Variants in SEC24D observed in about 807,000 individuals in gnomAD.
SEC24D encodes SEC24 homolog D, COPII component.
SEC24D carries 69 observed loss-of-function variants against 116.9 expected under a neutral mutation model. That is an observed-to-expected ratio of 0.59 (90% CI 0.49 to 0.72). SEC24D has a LOEUF of 0.72. Among genes scored for constraint, SEC24D ranks in the 30% least tolerant of loss-of-function variants. The pLI, the probability that SEC24D is intolerant of heterozygous loss-of-function variation, is 0.00. For synonymous variants in SEC24D, 405 were observed against 442.8 expected (o/e 0.91, Z 1.07); for missense variants, 1,131 against 1,264.1 (o/e 0.89, Z 1.60).
Position 118,739,230 on chromosome 4 carries a change from C to A in SEC24D, c.2296G>T (p.Gly766Cys). ...GQRRLRIHNLGLNCSSQLADL... is the reference protein window; with the variant it reads ...GQRRLRIHNLCLNCSSQLADL... ...GCTAGCTGAGAGCTGCAGTTTAAGCCAAGATTGTGAATCCGAAGTCTTCTT... is the reference window on the plus strand; with the variant it reads ...GCTAGCTGAGAGCTGCAGTTTAAGCAAAGATTGTGAATCCGAAGTCTTCTT... Residue 766 changes from glycine to cysteine, a missense_variant, in exon 18 of 23, where the codon GGC becomes TGC. By Grantham distance (159) the Gly-to-Cys change is radical (BLOSUM62 -3). Transcript: ENST00000280551. The A allele has an allele frequency of 6.2e-7, 1 of 1,613,604 alleles. No individual in the cohort carries two copies. Among genetic ancestry groups the A allele is most frequent in the Non-Finnish European group, 8.5e-7 (1 of 1,179,642 alleles).
Position 118,824,623 on chromosome 4 carries a change from TG to T in SEC24D, c.244del (p.Gln82LysfsTer189). 1 of 1,600,142 alleles carries T rather than the reference TG, an allele frequency of 6.2e-7. No individual in the cohort carries two copies. The highest frequency in any genetic ancestry group is 2.3e-5 in the East Asian group (1 of 44,410). ...GGTTGGAATCTACCTAGCTCACCTTTGGGGAGGGTGACCAGTGGCATGAGCT... is the reference window on the plus strand; with the variant it reads ...GGTTGGAATCTACCTAGCTCACCTTTGGGAGGGTGACCAGTGGCATGAGCT... ...NGAHATGHPP[Q>X]RFPGPPPVNN... On this transcript the variant is annotated frameshift_variant, in exon 3 of 23. Transcript: ENST00000280551. LOFTEE classifies it high-confidence loss of function.
intron 10 of SEC24D, chr4:118,758,662 T>C (rs1190696729): frequency 6.6e-6 from 1 of 152,162 alleles, no homozygotes; most frequent in African/African-American, 2.4e-5. Context: ...ACCAACTTAA[T>C]TTTTAACTTC....
At chr4:118,828,695 A>G (rs1730697028) in intron 2 of SEC24D, among the ~76,000 whole-genome samples, 1 of 152,164 alleles carries the variant, frequency 6.6e-6, no homozygotes, top group Admixed American at 6.5e-5. Context: ...AGAGAGCAGT[A>G]TGCCCAGCTG....
At position 118,770,748 on chromosome 4, in the gene SEC24D, C is replaced by A. The variant is rs191489531; in HGVS notation, c.1042-2437G>T. 1.3e-3 allele frequency among the ~76,000 whole-genome samples: 205 copies of A among 152,234 alleles called. 1 individual carries two copies. The highest frequency in any genetic ancestry group is 2.5e-3 in the Non-Finnish European group (167 of 68,006). ...CAGCCTAAAATTACTGTGAAATTGT[C>A]GGCAATGAACACCTATGCATTCCAG... On this transcript the variant is annotated intron_variant, in intron 8 of 22. Coordinates refer to ENST00000280551, the MANE Select transcript of SEC24D (RefSeq NM_014822.4).
At chr4:118,804,855 C>T (rs1729600485) in intron 7 of SEC24D, among the ~76,000 whole-genome samples, 1 of 148,452 alleles carries the variant, frequency 6.7e-6, no homozygotes, top group Non-Finnish European at 1.5e-5. Context: ...CCTCTATACA[C>T]ATATAAGCAT....
chr4:118,800,036 GT>G (rs1729361805), intron 7 of SEC24D, among the ~76,000 whole-genome samples: 2 of 152,244 alleles, frequency 1.3e-5, no homozygotes, highest in South Asian at 4.2e-4. Flanking sequence ...TACTTGAGTG[GT>G]GCACAGGGAG....
chr4:118,821,874 T>C (rs1730418736), intron 3 of SEC24D, among the ~76,000 whole-genome samples: 2 of 152,252 alleles, frequency 1.3e-5, no homozygotes, highest in South Asian at 2.1e-4. Context: ...TGAAATACTA[T>C]ACTTTTCCCT....
chr4:118,793,189 C>A (rs1201117389), intron 8 of SEC24D, among the ~76,000 whole-genome samples: 1 of 152,128 alleles, frequency 6.6e-6, no homozygotes. Context: ...AAGGCCCGGC[C>A]GGGCGCGGTG....
intron 8 of SEC24D, among the ~76,000 whole-genome samples, chr4:118,789,709 C>T (rs1435795483): frequency 4.6e-5 from 7 of 152,136 alleles, no homozygotes; most frequent in Admixed American, 1.3e-4. Flanking sequence ...CTCAGCCTCC[C>T]GAGTAGCTGG....
chr4:118,779,381 T>A (rs1159937776), intron 8 of SEC24D, among the ~76,000 whole-genome samples: 2 of 152,204 alleles, frequency 1.3e-5, no homozygotes, highest in African/African-American at 4.8e-5. Context: ...TTGTCATTGG[T>A]TCTGTTTATG....
chr4:118,805,373 C>T (rs112016126), intron 7 of SEC24D, among the ~76,000 whole-genome samples: 7,539 of 152,210 alleles, frequency 0.05, 224 homozygotes, highest in Non-Finnish European at 0.063. Context: ...TATGGAACAG[C>T]AGAGATGCAG....
intron 7 of SEC24D, among the ~76,000 whole-genome samples, chr4:118,800,846 A>G (rs1729401078): frequency 6.6e-6 from 1 of 152,206 alleles, no homozygotes; most frequent in Admixed American, 6.5e-5. Flanking sequence ...CATTAGAACC[A>G]ATTATAAATT....
chr4:118,768,173 C>G lies in SEC24D; in HGVS notation c.1180G>C (p.Val394Leu). ...QCGFCNCVND[V>L]PPFYFQHLDH... ...AAGAGCTTTTAATGGCACTGCTTAC[C>G]ATCATTCACACAGTTGCAAAATCCA... The change falls in exon 9 of 23, where the codon GTT (valine) becomes CTT (leucine). Residue 394 changes from valine (V) to leucine (L), a missense_variant and splice_region_variant. Physicochemically the swap from Val to Leu is conservative, Grantham distance 32. Coordinates refer to ENST00000280551, the MANE Select transcript of SEC24D (RefSeq NM_014822.4). 6.2e-7 allele frequency: 1 copy of G among 1,611,326 alleles called. No individual in the cohort carries two copies. The highest frequency in any genetic ancestry group is 8.5e-7 in the Non-Finnish European group (1 of 1,178,820).
intron 7 of SEC24D, among the ~76,000 whole-genome samples, chr4:118,805,494 A>G (rs1169890807): frequency 1.3e-5 from 2 of 152,212 alleles, no homozygotes; most frequent in Non-Finnish European, 2.9e-5. Context: ...TAACATCTCA[A>G]ACAGTCTAAT....
chr4:118,812,346 T>C (rs1350540303), intron 6 of SEC24D, among the ~76,000 whole-genome samples: 2 of 152,072 alleles, frequency 1.3e-5, no homozygotes, highest in Non-Finnish European at 2.9e-5. Flanking sequence ...TCTACCCCCA[T>C]GGACCTAGGT....
Position 118,750,489 on chromosome 4 carries a change from G to A in SEC24D, c.1707+1507C>T, listed in dbSNP as rs191481714. Among the ~76,000 whole-genome samples the A allele has an allele frequency of 5.3e-5, 8 of 152,216 alleles. No individual in the cohort carries two copies. The East Asian group carries it at 7.7e-4, about 15-fold the overall frequency. On this transcript the variant is annotated intron_variant, in intron 13 of 22. Coordinates refer to ENST00000280551, the MANE Select transcript of SEC24D (RefSeq NM_014822.4). ...CAACTCTACTATGCTCTCTTAATTG[G>A]TGAAATATTAGCTAATGAATATCTA...
chr4:118,771,208 CTAAGT>C (rs1044622882), intron 8 of SEC24D, among the ~76,000 whole-genome samples: 1 of 152,084 alleles, frequency 6.6e-6, no homozygotes, highest in African/African-American at 2.4e-5. Context: ...AAAAAATTGC[CTAAGT>C]TATCTTTTTT....
At position 118,833,571 on chromosome 4, in the gene SEC24D, C is replaced by T. The variant is rs1724046359; in HGVS notation, c.118+8G>A. 6.3e-7 allele frequency: 1 copy of T among 1,576,362 alleles called. No individual in the cohort carries two copies. On this transcript the variant is annotated splice_region_variant and intron_variant, in intron 2 of 22. Coordinates refer to ENST00000280551, the MANE Select transcript of SEC24D (RefSeq NM_014822.4). ...TAATCACATACAAGTCAAAATAACA[C>T]ACTGTACCTGTTGGAGATGCTGTGT...
chr4:118,814,727 C>T (rs570362048), intron 6 of SEC24D, among the ~76,000 whole-genome samples: 4 of 151,772 alleles, frequency 2.6e-5, no homozygotes, highest in Admixed American at 6.6e-5. Flanking sequence ...CATTAGATAG[C>T]GATACTGCCA....
Sources: gnomAD v4.1 joint callset for allele counts (sites outside exome capture counted in the v4.1 genomes callset) on GRCh38, gnomAD v4.1.1 for gene constraint, MANE v1.5 for transcripts, NCBI Gene and HGNC (gene_info 2026-07-23, HGNC 2026-07-21) for gene names.